Variants in ANK2 observed in about 807,000 individuals in gnomAD.
The protein encoded by ANK2 is ankyrin-2.
In ANK2, 83 loss-of-function variants were observed where a neutral mutation model predicts 360.5. The ratio of observed to expected loss-of-function variants is 0.23; its 90% confidence interval spans 0.19 to 0.28. The LOEUF (loss-of-function observed/expected upper bound fraction) is 0.28, where lower values mean the gene tolerates loss of function less well. ANK2 is among the 10% of genes least tolerant of loss of function. ANK2 has a pLI of 1.00. For missense variants in ANK2, 4,201 were observed against 4,795.7 expected (o/e 0.88, Z 3.66); for synonymous variants, 1,740 against 1,759.5 (o/e 0.99, Z 0.28).
intron 1 of ANK2, among the ~76,000 whole-genome samples, chr4:112,822,969 C>T (rs115948962): frequency 0.017 from 2,645 of 152,072 alleles, 90 homozygotes; most frequent in African/African-American, 0.058. Flanking sequence ...CAACATTATG[C>T]TGTTCCATAA....
chr4:113,009,397 C>G (rs2053987805), intron 2 of ANK2, among the ~76,000 whole-genome samples: 1 of 152,036 alleles, frequency 6.6e-6, no homozygotes, highest in Non-Finnish European at 1.5e-5. Flanking sequence ...AGTTGAAATA[C>G]TTTTAAATTT....
At position 113,097,281 on chromosome 4, in the gene ANK2, T is replaced by G. The variant is rs1311645493; in HGVS notation, c.84+47469T>G. 3.9e-5 allele frequency among the ~76,000 whole-genome samples: 6 copies of G among 151,966 alleles called. 1 individual carries two copies. Among genetic ancestry groups the G allele is most frequent in the Non-Finnish European group, 8.8e-5 (6 of 67,980 alleles). ...AAGGTATAGCTGATTTCTTTTTTTC[T>G]GATAGATCTCTGTGCTAGAGTTAAG... On this transcript the variant is annotated intron_variant, in intron 1 of 45. Coordinates refer to ENST00000357077, the MANE Select transcript of ANK2 (RefSeq NM_001148.6).
intron 1 of ANK2, among the ~76,000 whole-genome samples, chr4:113,130,019 G>A (rs923454530): frequency 2.0e-5 from 3 of 151,946 alleles, no homozygotes; most frequent in African/African-American, 7.3e-5. Flanking sequence ...ACTTCTTTTT[G>A]CAACTAAGAC....
chr4:112,939,866 A>G (rs2094073210), intron 2 of ANK2, among the ~76,000 whole-genome samples: 1 of 152,190 alleles, frequency 6.6e-6, no homozygotes, highest in Non-Finnish European at 1.5e-5. Flanking sequence ...CTATTATTCT[A>G]AAGAACAAAA....
chr4:113,023,937 A>G (rs1296838122), intron 2 of ANK2, among the ~76,000 whole-genome samples: 1 of 152,106 alleles, frequency 6.6e-6, no homozygotes, highest in Non-Finnish European at 1.5e-5. Flanking sequence ...CTTATTGGGG[A>G]CCCCTCTACA....
chr4:112,931,892 C>T (rs2093278426), intron 2 of ANK2, among the ~76,000 whole-genome samples: 1 of 152,060 alleles, frequency 6.6e-6, no homozygotes, highest in Non-Finnish European at 1.5e-5. Flanking sequence ...ACAATAAAAC[C>T]TTATCATGAC....
chr4:112,850,422 G>A (rs192897821), intron 1 of ANK2, among the ~76,000 whole-genome samples: 31 of 129,060 alleles, frequency 2.4e-4, no homozygotes, highest in African/African-American at 9.5e-4. Flanking sequence ...ACAAGTACAG[G>A]GTTTAAGAGT....
At chr4:112,763,761 C>A in the ANK2 span, among the ~76,000 whole-genome samples, 1 of 151,434 alleles carries the variant, frequency 6.6e-6, no homozygotes, top group Non-Finnish European at 1.5e-5. Flanking sequence ...ACCTCGTGAT[C>A]CGCCCGCCTC....
chr4:112,732,848 G>T, the ANK2 span, among the ~76,000 whole-genome samples: 1 of 152,140 alleles, frequency 6.6e-6, no homozygotes, highest in Non-Finnish European at 1.5e-5. Flanking sequence ...TTGGGAGGCT[G>T]AGGCGGGGGG....
chr4:113,153,220 A>G lies in ANK2; in HGVS notation c.85-21196A>G, dbSNP rs74687683. ...TCTAGTACAGCAACTCTATTAAATA[A>G]ACACATTGTGTACTTAAATTGGATC... is the stretch of plus-strand genomic sequence containing the variant. On this transcript the variant is annotated intron_variant, in intron 1 of 45. Transcript: ENST00000357077. Among the ~76,000 whole-genome samples the G allele has an allele frequency of 8.0e-3, 1,217 of 152,236 alleles. 36 individuals are homozygous for G. Among genetic ancestry groups the G allele is most frequent in the East Asian group, 0.047 (243 of 5,174 alleles).
In ANK2 at chr4:113,292,493, C is replaced by T. The variant is rs1169079612; in HGVS notation, c.2355C>T (p.Ala785=). The T allele has an allele frequency of 1.2e-6, 2 of 1,610,760 alleles. No homozygotes were observed. Among genetic ancestry groups the T allele is most frequent in the Non-Finnish European group, 1.7e-6 (2 of 1,178,508 alleles). The part of the protein sequence containing the change: ...HIINVLLQHG[A]KPNATTANGN... ...TCAACGTCCTGCTCCAGCATGGGGC[C>T]AAGCCCAACGCCACCACTGCGGTAA... is the stretch of plus-strand genomic sequence containing the variant. The change falls in exon 21 of 46, where the codon GCC becomes GCT. Residue 785 remains alanine, a synonymous_variant. Transcript: ENST00000357077.
intron 2 of ANK2, among the ~76,000 whole-genome samples, chr4:113,007,773 A>G (rs2154290534): frequency 6.6e-6 from 1 of 152,320 alleles, no homozygotes; most frequent in East Asian, 1.9e-4. Context: ...AAATTAAAAC[A>G]CGTATTAGCC....
At chr4:113,342,226 C>T (rs1435105263) in intron 33 of ANK2, among the ~76,000 whole-genome samples, 1 of 152,106 alleles carries the variant, frequency 6.6e-6, no homozygotes, top group Non-Finnish European at 1.5e-5. Flanking sequence ...TTTTAGCTTT[C>T]CTTGTTGTCC....
At chr4:113,140,082 A>C (rs1004506050) in intron 1 of ANK2, among the ~76,000 whole-genome samples, 2 of 152,212 alleles carry the variant, frequency 1.3e-5, no homozygotes, top group African/African-American at 4.8e-5. Context: ...TGTAAAAATC[A>C]TGATGTGTTT....
At chr4:112,861,649 G>A (rs1397749140) in intron 1 of ANK2, among the ~76,000 whole-genome samples, 1 of 152,188 alleles carries the variant, frequency 6.6e-6, no homozygotes. Context: ...AGTATTGAGA[G>A]TATTAAATAA....
chr4:112,999,556 A>G (rs1241101860), intron 2 of ANK2, among the ~76,000 whole-genome samples: 3 of 152,084 alleles, frequency 2.0e-5, no homozygotes, highest in Non-Finnish European at 1.5e-5. Context: ...TGCTTTTATA[A>G]GCTGTCTTGG....
rs2153573550 is a variant in ANK2, at chr4:113,242,139, C to T, written c.821C>T (p.Ser274Phe). Residue 274 changes from serine (S) to phenylalanine (F), a missense_variant, in exon 9 of 46, where the codon TCC becomes TTC. Around this residue, in one of 4 missense-constraint regions of ANK2, gnomAD observed 122 missense variants for 239.3 expected, o/e 0.51. Transcript: ENST00000357077. ...GGAATCACTCCTCTGCATGTGGCTTCCAAAAGAGGAAATACAAACATGGTG... is the reference window on the plus strand; with the variant it reads ...GGAATCACTCCTCTGCATGTGGCTTTCAAAAGAGGAAATACAAACATGGTG... ...RNGITPLHVA[S>F]KRGNTNMVKL... is the part of the protein sequence containing the mutation. 1 of 1,613,848 alleles carries T rather than the reference C, an allele frequency of 6.2e-7. No homozygotes were observed.
intron 15 of ANK2, among the ~76,000 whole-genome samples, chr4:113,277,516 A>AT: frequency 6.6e-6 from 1 of 151,170 alleles, no homozygotes; most frequent in East Asian, 2.0e-4. Context: ...AGGCAAGAAA[A>AT]GGCTTTTTTT....
the ANK2 span, among the ~76,000 whole-genome samples, chr4:112,785,960 C>T: frequency 1.3e-5 from 2 of 152,072 alleles, no homozygotes; most frequent in African/African-American, 4.8e-5. Flanking sequence ...CATGCCTCAG[C>T]CTCCAGAGTA....
Sources: gnomAD v4.1 joint callset for allele counts (sites outside exome capture counted in the v4.1 genomes callset) on GRCh38, gnomAD v4.1.1 for gene constraint, gnomAD v4.1.1 regional missense constraint, MANE v1.5 for transcripts, NCBI Gene and HGNC (gene_info 2026-07-23, HGNC 2026-07-21) for gene names.